The following ELAVL2 variants were observed in gnomAD, a reference collection of about 807,000 sequenced individuals.
The protein encoded by ELAVL2 is ELAV like RNA binding protein 2.
Under a neutral mutation model 34.6 loss-of-function variants are expected in ELAVL2, and 4 were observed. The observed-to-expected ratio is 0.12, with a 90% confidence interval of 0.06 to 0.26. The LOEUF is 0.26. ELAVL2 is among the 10% of genes least tolerant of loss of function. The probability of loss-of-function intolerance (pLI) is 1.00; values close to 1 mark genes in which losing one functional copy is unlikely to be tolerated. For synonymous variants in ELAVL2, 193 were observed against 154.8 expected (o/e 1.25, Z -1.83); for missense variants, 432 against 442.8 (o/e 0.98, Z 0.22).
chr9:23,767,391 C>T (rs2056496461), intron 1 of ELAVL2, among the ~76,000 whole-genome samples: 1 of 152,132 alleles, frequency 6.6e-6, no homozygotes, highest in Non-Finnish European at 1.5e-5. Context: ...ATTTTCTAAT[C>T]TTACAATTAA....
chr9:23,750,921 A>G (rs887662472), intron 2 of ELAVL2, among the ~76,000 whole-genome samples: 6 of 152,192 alleles, frequency 3.9e-5, no homozygotes, highest in Non-Finnish European at 7.4e-5. Flanking sequence ...GTGACCTTAA[A>G]AACAGTGCAG....
At chr9:23,842,700 G>A in the ELAVL2 span, among the ~76,000 whole-genome samples, 2 of 152,034 alleles carry the variant, frequency 1.3e-5, no homozygotes, top group Non-Finnish European at 2.9e-5. Flanking sequence ...CAGAATAGCT[G>A]TCACTGCAGC....
At chr9:23,751,965 T>C (rs547580155) in intron 2 of ELAVL2, among the ~76,000 whole-genome samples, 2 of 152,302 alleles carry the variant, frequency 1.3e-5, no homozygotes, top group African/African-American at 4.8e-5. Flanking sequence ...GGAAAATCAA[T>C]TATGTTGGTC....
At chr9:23,792,263 A>G (rs1439663019) in intron 1 of ELAVL2, among the ~76,000 whole-genome samples, 1 of 152,222 alleles carries the variant, frequency 6.6e-6, no homozygotes, top group Non-Finnish European at 1.5e-5. Context: ...TAAGTATGTT[A>G]AATGTATTTT....
chr9:23,709,850 C>T (rs561502798), intron 3 of ELAVL2, among the ~76,000 whole-genome samples: 1 of 152,252 alleles, frequency 6.6e-6, no homozygotes, highest in East Asian at 1.9e-4. Flanking sequence ...AGAGAGTCTG[C>T]AATTTAAATA....
At chr9:23,766,068 G>T (rs186421339) in intron 1 of ELAVL2, among the ~76,000 whole-genome samples, 1 of 152,026 alleles carries the variant, frequency 6.6e-6, no homozygotes, top group African/African-American at 2.4e-5. Context: ...TAACAGAAGA[G>T]GTCCAAAAAT....
intron 2 of ELAVL2, among the ~76,000 whole-genome samples, chr9:23,736,657 C>A (rs1313279235): frequency 6.6e-6 from 1 of 152,178 alleles, no homozygotes; most frequent in African/African-American, 2.4e-5. Flanking sequence ...GTCCTACCAG[C>A]TAAATCGGCC....
At chr9:23,741,878 C>T (rs2049290205) in intron 2 of ELAVL2, among the ~76,000 whole-genome samples, 1 of 152,152 alleles carries the variant, frequency 6.6e-6, no homozygotes, top group Non-Finnish European at 1.5e-5. Context: ...ATTAAAAATG[C>T]TTTTCCTTCC....
chr9:23,712,342 T>C (rs1039481672), intron 3 of ELAVL2, among the ~76,000 whole-genome samples: 1 of 152,084 alleles, frequency 6.6e-6, no homozygotes, highest in African/African-American at 2.4e-5. Context: ...GGGACAATAA[T>C]CAGACATTTC....
intron 1 of ELAVL2, among the ~76,000 whole-genome samples, chr9:23,796,356 G>A (rs962706657): frequency 1.3e-5 from 2 of 152,182 alleles, no homozygotes; most frequent in Non-Finnish European, 2.9e-5. Flanking sequence ...CACAATTACT[G>A]TCCATTTGAA....
chr9:23,824,510 C>G (rs1353365499), intron 1 of ELAVL2, among the ~76,000 whole-genome samples: 2 of 152,074 alleles, frequency 1.3e-5, no homozygotes, highest in Non-Finnish European at 2.9e-5. Context: ...GGCTTTGTAG[C>G]TTTTTCCCAT....
chr9:23,813,185 T>C (rs866744933), intron 1 of ELAVL2, among the ~76,000 whole-genome samples: 9 of 152,318 alleles, frequency 5.9e-5, no homozygotes, highest in East Asian at 5.8e-4. Flanking sequence ...ACCTTCCTTA[T>C]TGTAAAATAA....
At chr9:23,703,416 T>C (rs1487690741) in intron 4 of ELAVL2, among the ~76,000 whole-genome samples, 2 of 152,232 alleles carry the variant, frequency 1.3e-5, no homozygotes, top group African/African-American at 4.8e-5. Context: ...ATAAGTATTA[T>C]GAATTAACTA....
chr9:23,795,507 C>T (rs1273661825), intron 1 of ELAVL2, among the ~76,000 whole-genome samples: 1 of 152,114 alleles, frequency 6.6e-6, no homozygotes, highest in African/African-American at 2.4e-5. Context: ...CACGCCACTG[C>T]TGTCCAGCCT....
At chr9:23,774,235 A>AAAAAG (rs59791462) in intron 1 of ELAVL2, among the ~76,000 whole-genome samples, 2,957 of 131,754 alleles carry the variant, frequency 0.022, 135 homozygotes, top group African/African-American at 0.089. Context: ...AAAAAAAAAA[A>AAAAAG]AAAGAAAGAA....
intron 5 of ELAVL2, among the ~76,000 whole-genome samples, chr9:23,694,616 A>G (rs1374652849): frequency 6.6e-6 from 1 of 152,210 alleles, no homozygotes; most frequent in Non-Finnish European, 1.5e-5. Context: ...CTTATCACCT[A>G]ACCTGTGGCA....
chr9:23,816,062 C>T (rs920600546), intron 1 of ELAVL2, among the ~76,000 whole-genome samples: 5 of 152,008 alleles, frequency 3.3e-5, no homozygotes, highest in South Asian at 2.1e-4. Flanking sequence ...CATTTTAACA[C>T]GCTTTCTTCC....
At chr9:23,711,907 A>T (rs369347780) in intron 3 of ELAVL2, among the ~76,000 whole-genome samples, 2 of 152,190 alleles carry the variant, frequency 1.3e-5, no homozygotes, top group Non-Finnish European at 2.9e-5. Flanking sequence ...AAGCTAACAG[A>T]AGCCACAATC....
chr9:23,806,553 C>A (rs2062244859), intron 1 of ELAVL2, among the ~76,000 whole-genome samples: 1 of 151,926 alleles, frequency 6.6e-6, no homozygotes, highest in Non-Finnish European at 1.5e-5. Flanking sequence ...TGGAGGATCC[C>A]TAAAAGCCCA....
Sources: allele counts gnomAD v4.1 joint callset (sites outside exome capture counted in the v4.1 genomes callset), GRCh38; gene constraint gnomAD v4.1.1; transcripts MANE v1.5; gene names NCBI Gene and HGNC (gene_info 2026-07-23, HGNC 2026-07-21).